The following SLC9D1 variants were observed in gnomAD, a reference collection of about 807,000 sequenced individuals.
SLC9D1 encodes the protein putative LAG1-interacting protein.
the SLC9D1 span, among the ~76,000 whole-genome samples, chr13:113,519,125 C>A: frequency 2.6e-5 from 4 of 151,004 alleles, no homozygotes; most frequent in Non-Finnish European, 5.9e-5. Context: ...CTCACTGTAA[C>A]CTCCGCCTCC....
the SLC9D1 span, chr13:113,496,057 G>GA: frequency 1.4e-6 from 2 of 1,389,660 alleles, no homozygotes; most frequent in Non-Finnish European, 9.9e-7. Flanking sequence ...AGAGAGAGAG[G>GA]GAGAGGGAGA....
At chr13:113,534,059 T>A in the SLC9D1 span, 1 of 1,603,788 alleles carries the variant, frequency 6.2e-7, no homozygotes, top group Non-Finnish European at 8.5e-7. Context: ...GTCGTGGAAG[T>A]TCTCCGAATC....
At chr13:113,528,706 A>G in the SLC9D1 span, 1 of 146,256 alleles carries the variant, frequency 6.8e-6, no homozygotes, top group East Asian at 1.9e-4. Context: ...GGTCCTTGTG[A>G]TAAGAGGGTC....
At chr13:113,496,457 A>T in the SLC9D1 span, among the ~76,000 whole-genome samples, 9 of 152,246 alleles carry the variant, frequency 5.9e-5, no homozygotes, top group Non-Finnish European at 1.2e-4. Context: ...TATCGAAAAT[A>T]AAAATACTAA....
chr13:113,538,913 G>C, the SLC9D1 span, among the ~76,000 whole-genome samples: 5 of 152,218 alleles, frequency 3.3e-5, no homozygotes, highest in African/African-American at 4.8e-5. Flanking sequence ...ACACGCCGAT[G>C]CTTCTCGCTG....
At chr13:113,491,546 T>G in the SLC9D1 span, among the ~76,000 whole-genome samples, 1 of 151,894 alleles carries the variant, frequency 6.6e-6, no homozygotes, top group Non-Finnish European at 1.5e-5. Flanking sequence ...GGGGCTCACC[T>G]CCCCTCTCTC....
the SLC9D1 span, chr13:113,503,385 A>C: frequency 1.5e-4 from 72 of 474,632 alleles, no homozygotes; most frequent in Non-Finnish European, 1.9e-4. Flanking sequence ...GTGTGTGTGT[A>C]TGTGTGTTTT....
chr13:113,525,247 C>G, the SLC9D1 span, among the ~76,000 whole-genome samples: 1 of 152,312 alleles, frequency 6.6e-6, no homozygotes, highest in East Asian at 1.9e-4. Context: ...ATTCTCTGGA[C>G]CTGAACAATT....
the SLC9D1 span, among the ~76,000 whole-genome samples, chr13:113,497,928 T>C: frequency 6.6e-6 from 1 of 152,262 alleles, no homozygotes; most frequent in Admixed American, 6.5e-5. Context: ...GGAACAGCTT[T>C]CCCTTGTAAC....
the SLC9D1 span, chr13:113,529,305 G>A: frequency 6.6e-6 from 1 of 152,060 alleles, no homozygotes; most frequent in South Asian, 2.1e-4. Flanking sequence ...GAATCGGGCC[G>A]GGTGCAGCGG....
At chr13:113,507,806 CA>C in the SLC9D1 span, among the ~76,000 whole-genome samples, 1 of 152,248 alleles carries the variant, frequency 6.6e-6, no homozygotes, top group African/African-American at 2.4e-5. Flanking sequence ...CCAGGCCCTT[CA>C]GGGGCTGCTG....
the SLC9D1 span, among the ~76,000 whole-genome samples, chr13:113,499,692 A>G: frequency 3.7e-3 from 557 of 152,324 alleles, 27 homozygotes; most frequent in East Asian, 0.089. Flanking sequence ...AGTTGTTTTA[A>G]AATCTACTAG....
At chr13:113,521,118 C>CTG in the SLC9D1 span, among the ~76,000 whole-genome samples, 408 of 151,082 alleles carry the variant, frequency 2.7e-3, 2 homozygotes, top group African/African-American at 8.1e-3. Flanking sequence ...GAGGGAGTAT[C>CTG]TGTGTGTGTG....
At chr13:113,549,476 G>C in the SLC9D1 span, 4 of 1,614,132 alleles carry the variant, frequency 2.5e-6, no homozygotes, top group Non-Finnish European at 3.4e-6. Flanking sequence ...GCTCGCCCCG[G>C]TGCTGTGGAG....
chr13:113,540,001 G>C, the SLC9D1 span, among the ~76,000 whole-genome samples: 1 of 152,284 alleles, frequency 6.6e-6, no homozygotes, highest in African/African-American at 2.4e-5. Flanking sequence ...TTAATTCCCT[G>C]AGGAGAACGG....
At chr13:113,514,023 A>C in the SLC9D1 span, among the ~76,000 whole-genome samples, 18 of 152,350 alleles carry the variant, frequency 1.2e-4, no homozygotes, top group South Asian at 2.5e-3. Context: ...GGAATTAGCT[A>C]TCCAACGTAA....
At chr13:113,518,764 T>A in the SLC9D1 span, among the ~76,000 whole-genome samples, 1 of 152,140 alleles carries the variant, frequency 6.6e-6, no homozygotes, top group Non-Finnish European at 1.5e-5. Flanking sequence ...AATTTTATCA[T>A]CTCCTGAATC....
the SLC9D1 span, among the ~76,000 whole-genome samples, chr13:113,493,069 G>A: frequency 3.3e-5 from 5 of 152,108 alleles, no homozygotes; most frequent in Admixed American, 3.3e-4. Flanking sequence ...TTGAATAAAG[G>A]TGATTTGTAT....
At chr13:113,503,806 C>A in the SLC9D1 span, 1 of 539,396 alleles carries the variant, frequency 1.9e-6, no homozygotes, top group Non-Finnish European at 3.3e-6. Context: ...AATTTGCCTT[C>A]ACATGGCTAA....
Sources: gnomAD v4.1 joint callset for allele counts (sites outside exome capture counted in the v4.1 genomes callset) on GRCh38, gnomAD v4.1.1 for gene constraint, MANE v1.5 for transcripts, NCBI Gene and HGNC (gene_info 2026-07-23, HGNC 2026-07-21) for gene names.